Variants in ZNF892 observed in about 807,000 individuals in gnomAD.
The protein encoded by ZNF892 is zinc finger protein 892.
chr2:95,238,821 A>G, the ZNF892 span, among the ~76,000 whole-genome samples: 1 of 152,194 alleles, frequency 6.6e-6, no homozygotes, highest in African/African-American at 2.4e-5. Context: ...GATATGGCAG[A>G]GAGAGAAAGA....
At chr2:95,257,920 C>T in the ZNF892 span, among the ~76,000 whole-genome samples, 4 of 152,268 alleles carry the variant, frequency 2.6e-5, no homozygotes, top group South Asian at 2.1e-4. Flanking sequence ...ATTGGAAAAG[C>T]GCAGTATTAG....
the ZNF892 span, chr2:95,215,022 G>C: frequency 1.9e-6 from 1 of 515,620 alleles, no homozygotes; most frequent in Non-Finnish European, 3.5e-6. Flanking sequence ...TCATACTGGA[G>C]AGAAACCTTA....
chr2:95,206,937 A>T, the ZNF892 span, among the ~76,000 whole-genome samples: 1 of 152,236 alleles, frequency 6.6e-6, no homozygotes, highest in Non-Finnish European at 1.5e-5. Flanking sequence ...AGTTAGAGTA[A>T]AAACAAGGTT....
chr2:95,213,294 A>T, the ZNF892 span, among the ~76,000 whole-genome samples: 1 of 152,104 alleles, frequency 6.6e-6, no homozygotes, highest in African/African-American at 2.4e-5. Context: ...TTTGCTTTTA[A>T]CCTATTCTAC....
At chr2:95,247,414 A>G in the ZNF892 span, among the ~76,000 whole-genome samples, 41 of 152,236 alleles carry the variant, frequency 2.7e-4, 2 homozygotes, top group Non-Finnish European at 2.9e-5. Flanking sequence ...CCTAGAAGAA[A>G]ACCTAGAAGA....
chr2:95,235,423 G>T, the ZNF892 span, among the ~76,000 whole-genome samples: 1 of 150,552 alleles, frequency 6.6e-6, no homozygotes, highest in African/African-American at 2.5e-5. Context: ...GTGCAGTGGC[G>T]CAATCTCGGC....
chr2:95,233,546 G>A, the ZNF892 span, among the ~76,000 whole-genome samples: 1 of 150,962 alleles, frequency 6.6e-6, no homozygotes, highest in Non-Finnish European at 1.5e-5. Flanking sequence ...GGTGGTGGGC[G>A]CCTGTAGTCC....
the ZNF892 span, among the ~76,000 whole-genome samples, chr2:95,221,446 C>T: frequency 1.3e-5 from 2 of 152,050 alleles, no homozygotes; most frequent in African/African-American, 2.4e-5. Context: ...GATGCAATTT[C>T]GTGATTTTTT....
the ZNF892 span, among the ~76,000 whole-genome samples, chr2:95,261,152 C>T: frequency 2.0e-5 from 3 of 152,172 alleles, no homozygotes; most frequent in Non-Finnish European, 4.4e-5. Context: ...AAGAGGGAGG[C>T]CCTGCAGGCA....
the ZNF892 span, among the ~76,000 whole-genome samples, chr2:95,228,543 A>C: frequency 2.6e-5 from 4 of 152,352 alleles, no homozygotes; most frequent in Non-Finnish European, 2.9e-5. Flanking sequence ...AGTTGTAATT[A>C]ATAACTTTTC....
At chr2:95,227,244 G>A in the ZNF892 span, among the ~76,000 whole-genome samples, 3 of 151,752 alleles carry the variant, frequency 2.0e-5, no homozygotes, top group East Asian at 1.9e-4. Flanking sequence ...AACTATTTGC[G>A]ACAGGATTGC....
chr2:95,211,230 A>G, the ZNF892 span, among the ~76,000 whole-genome samples: 32 of 152,370 alleles, frequency 2.1e-4, no homozygotes, highest in African/African-American at 7.0e-4. Context: ...TGAACCCCAT[A>G]TGTTTTAAAA....
chr2:95,227,974 C>T, the ZNF892 span, among the ~76,000 whole-genome samples: 5 of 152,320 alleles, frequency 3.3e-5, no homozygotes, highest in Non-Finnish European at 5.9e-5. Flanking sequence ...AGATTACTGT[C>T]TAACACACAG....
At chr2:95,252,017 G>A in the ZNF892 span, among the ~76,000 whole-genome samples, 1 of 152,314 alleles carries the variant, frequency 6.6e-6, no homozygotes, top group South Asian at 2.1e-4. Context: ...GCCTGTGTTG[G>A]AAATAAGAGT....
chr2:95,230,254 C>T, the ZNF892 span, among the ~76,000 whole-genome samples: 1 of 152,126 alleles, frequency 6.6e-6, no homozygotes, highest in South Asian at 2.1e-4. Context: ...TAAAAGACTA[C>T]ACATTGGGTA....
the ZNF892 span, among the ~76,000 whole-genome samples, chr2:95,253,225 A>G: frequency 6.6e-6 from 1 of 152,168 alleles, no homozygotes; most frequent in African/African-American, 2.4e-5. Context: ...TAGGTCTAAC[A>G]TTTAGTCTTT....
chr2:95,212,014 TA>T, the ZNF892 span, among the ~76,000 whole-genome samples: 6 of 152,164 alleles, frequency 3.9e-5, no homozygotes, highest in Non-Finnish European at 8.8e-5. Context: ...ATTCTTTAAA[TA>T]GGGGGAGGTA....
At chr2:95,211,541 T>C in the ZNF892 span, 315 of 397,556 alleles carry the variant, frequency 7.9e-4, 1 homozygote, top group Non-Finnish European at 1.1e-3. Context: ...CCTCCTCCTG[T>C]GCTGTCAGTT....
chr2:95,212,413 A>G, the ZNF892 span: 1 of 396,322 alleles, frequency 2.5e-6, no homozygotes, highest in Non-Finnish European at 4.4e-6. Flanking sequence ...GCCACATCCT[A>G]GCTCTGTGGA....
Sources: gnomAD v4.1 joint callset for allele counts (sites outside exome capture counted in the v4.1 genomes callset) on GRCh38, gnomAD v4.1.1 for gene constraint, MANE v1.5 for transcripts, NCBI Gene and HGNC (gene_info 2026-07-23, HGNC 2026-07-21) for gene names.